The following PSG2 variants were observed in gnomAD, a reference collection of about 807,000 sequenced individuals.
PSG2 encodes the protein pregnancy-specific beta-1-glycoprotein 2.
PSG2 carries 49 observed loss-of-function variants against 36.2 expected under a neutral mutation model. The ratio of observed to expected loss-of-function variants is 1.35; its 90% CI spans 1.08 to 1.72. The LOEUF (loss-of-function observed/expected upper bound fraction) is 1.72. Ranked by LOEUF, PSG2 falls within the 40% of genes most tolerant of loss-of-function variation. PSG2 has a pLI of 0.00. For missense variants in PSG2, 605 were observed against 407.2 expected, an observed-to-expected ratio of 1.49 and a Z score of -4.18; for synonymous variants, 261 against 155.6, an observed-to-expected ratio of 1.68 and a Z score of -5.04.
chr19:43,066,619 T>A lies in PSG2; in HGVS notation c.965-19A>T, dbSNP rs111242195. 11,692 of 1,583,462 alleles carry A rather than the reference T, an allele frequency of 7.4e-3. 455 individuals are homozygous for A. In the East Asian group the frequency reaches 0.085, roughly 11 times the overall value. ...GTAGAAGCTGTCATGGAAAGAAAAG[T>A]AAAGAAGGAATGAAGGTGATGTTAT... On this transcript the variant is annotated intron_variant, in intron 4 of 5. Coordinates refer to ENST00000406487, the MANE Select transcript of PSG2 (RefSeq NM_031246.4).
Position 43,070,690 on chromosome 19 carries a change from C to A in PSG2, c.964+1010G>T, listed in dbSNP as rs568770265. Among the ~76,000 whole-genome samples, 142 of 151,390 alleles carry A rather than the reference C, an allele frequency of 9.4e-4. 4 individuals carry two copies. Among genetic ancestry groups the A allele is most frequent in the African/African-American group, 3.4e-3 (141 of 41,014 alleles). ...ATTAGAATGGTGGGTGCTAAGGGTT[C>A]GAGGGAGAAGGAGTGAGAGTTACTG... On this transcript the variant is annotated intron_variant, in intron 4 of 5. Coordinates refer to ENST00000406487, the MANE Select transcript of PSG2 (RefSeq NM_031246.4).
At chr19:43,072,061 G>C (rs1967826628) in intron 3 of PSG2, 107 bp from the exon 4 acceptor site, 1 of 1,475,664 alleles carries the variant, frequency 6.8e-7, no homozygotes. Flanking sequence ...ACATCCTCAA[G>C]TCCCAGCAAA....
At position 43,071,736 on chromosome 19, in the gene PSG2, C is replaced by A. The variant is rs149645996; in HGVS notation, c.928G>T (p.Glu310Ter). 1.1e-5 allele frequency: 18 copies of A among 1,612,852 alleles called. No homozygotes were observed. The highest frequency in any genetic ancestry group is 6.7e-5 in the East Asian group (3 of 44,900). Residue 310 changes from glutamate (E) to a stop codon, truncating the protein, a stop_gained, in exon 4 of 6, where the codon GAG becomes TAG. Transcript: ENST00000406487. LOFTEE classifies it high-confidence loss of function. ...ACTGTCAACGATGTGGAGCTTTCCTCGCCAGTGGCTGAGTTACGAACAGAG... is the reference window on the plus strand; with the variant it reads ...ACTGTCAACGATGTGGAGCTTTCCTAGCCAGTGGCTGAGTTACGAACAGAG... ...VCSVRNSATG[E>*]ESSTSLTVKV...
rs1967998924 is a variant in PSG2, at chr19:43,082,670, C to T, written c.-101G>A. 1 of 1,537,958 alleles carries T rather than the reference C, an allele frequency of 6.5e-7. No homozygotes were observed. Among genetic ancestry groups the T allele is most frequent in the African/African-American group, 1.4e-5 (1 of 72,082 alleles). On this transcript the variant is annotated 5_prime_UTR_variant, in exon 1 of 6. It adds an upstream start codon to the 5' untranslated region. Coordinates refer to ENST00000406487, the MANE Select transcript of PSG2 (RefSeq NM_031246.4). The stretch of plus-strand genomic sequence containing the variant: ...CTGTGCTGTCCTTCCTCCTTCTGCA[C>T]TGAGCCTCTTCCTGGGGCAGCAGCA...
intron 5 of PSG2, among the ~76,000 whole-genome samples, chr19:43,065,281 A>G (rs1269007452): frequency 6.6e-6 from 1 of 151,706 alleles, no homozygotes; most frequent in Non-Finnish European, 1.5e-5. Context: ...CAAGAGGATT[A>G]CTGAGTTCTT....
chr19:43,070,434 T>C (rs577453488), intron 4 of PSG2, among the ~76,000 whole-genome samples: 59 of 151,466 alleles, frequency 3.9e-4, no homozygotes, highest in African/African-American at 1.3e-3. Flanking sequence ...AGCGAAAAAA[T>C]GGAAACAACC....
chr19:43,071,411 A>T (rs932503277), intron 4 of PSG2, among the ~76,000 whole-genome samples: 5 of 151,262 alleles, frequency 3.3e-5, no homozygotes, highest in Non-Finnish European at 5.9e-5. Flanking sequence ...TCTTGAGGAC[A>T]CTCCTTCTTG....
In PSG2 at chr19:43,065,818, C is replaced by T. The variant is rs532049879; in HGVS notation, c.*40+699G>A. ...TGTTAATCCTAAAGTCTTTGTTCTCCACGAGGTCACATGTTGCTTGTGATG... is the reference window on the plus strand; with the variant it reads ...TGTTAATCCTAAAGTCTTTGTTCTCTACGAGGTCACATGTTGCTTGTGATG... On this transcript the variant is annotated intron_variant, in intron 5 of 5. Coordinates refer to ENST00000406487, the MANE Select transcript of PSG2 (RefSeq NM_031246.4). The T allele has an allele frequency of 1.1e-4, 17 of 151,938 alleles. 1 individual carries two copies. The highest frequency in any genetic ancestry group is 3.4e-4 in the African/African-American group (14 of 41,080). 9.4% of individuals were successfully genotyped at this position (151,938 alleles called of 1,614,324 possible).
intron 2 of PSG2, among the ~76,000 whole-genome samples, 174 bp from the exon 3 acceptor site, chr19:43,075,806 G>A (rs555396996): frequency 6.6e-6 from 1 of 151,662 alleles, no homozygotes; most frequent in Non-Finnish European, 1.5e-5. Flanking sequence ...CTCAGTGATT[G>A]TGAGGCTGCC....
intron 5 of PSG2, among the ~76,000 whole-genome samples, chr19:43,064,849 T>C (rs1050213806): frequency 6.6e-6 from 1 of 151,764 alleles, no homozygotes; most frequent in African/African-American, 2.4e-5. Flanking sequence ...AATTTTTTTT[T>C]CAGATGGAGT....
intron 3 of PSG2, 21 bp from the exon 4 acceptor site, chr19:43,071,975 C>T (rs771538123): frequency 6.2e-7 from 1 of 1,609,190 alleles, no homozygotes; most frequent in Non-Finnish European, 8.5e-7. Flanking sequence ...GAGAATAAAG[C>T]CACAGGTGAT....
intron 5 of PSG2, chr19:43,065,685 G>A (rs1375789047): frequency 6.6e-6 from 1 of 151,640 alleles, no homozygotes; most frequent in East Asian, 1.9e-4. Flanking sequence ...GTCTCCTGGG[G>A]TAGGGACCTT....
chr19:43,071,373 G>A (rs1203819630), intron 4 of PSG2, among the ~76,000 whole-genome samples: 14 of 151,652 alleles, frequency 9.2e-5, no homozygotes, highest in Non-Finnish European at 1.5e-5. Context: ...AGAAGGGGAT[G>A]TGTTAGTGAC....
chr19:43,066,863 G>A (rs1967747153), intron 4 of PSG2, among the ~76,000 whole-genome samples: 1 of 151,196 alleles, frequency 6.6e-6, no homozygotes, highest in Admixed American at 6.6e-5. Flanking sequence ...GAGAAAGGCT[G>A]ATTGCTATTT....
rs752395796 is a variant in PSG2, at chr19:43,081,029, T to C, written c.282A>G (p.Ala94=). The C allele has an allele frequency of 1.3e-5, 21 of 1,612,956 alleles. No homozygotes were observed. In the Admixed American group the frequency reaches 2.8e-4, roughly 22 times the overall value. The part of the protein sequence containing the change: ...VDGQIIIYGP[A]YSGRETAYSN... ...AATATGCTGTTTCTCGTCCACTATA[T>C]GCAGGCCCATATATAATTATTTGAC... The change falls in exon 2 of 6, where the codon GCA becomes GCG. Residue 94 remains alanine (A), a synonymous_variant. Transcript: ENST00000406487.
intron 4 of PSG2, among the ~76,000 whole-genome samples, chr19:43,068,737 T>C (rs528323956): frequency 1.3e-5 from 2 of 151,798 alleles, no homozygotes; most frequent in East Asian, 3.9e-4. Context: ...AAAGGCAATA[T>C]GTGAAAAACC....
chr19:43,071,550 A>G (rs1437955405), intron 4 of PSG2, 150 bp downstream of exon 4: 1 of 1,589,024 alleles, frequency 6.3e-7, no homozygotes, highest in Non-Finnish European at 8.6e-7. Context: ...GTTTGTAGAG[A>G]CAAATTGGGA....
chr19:43,079,075 G>A (rs1967935614), intron 2 of PSG2, among the ~76,000 whole-genome samples: 2 of 151,706 alleles, frequency 1.3e-5, no homozygotes, highest in Admixed American at 1.3e-4. Flanking sequence ...AGAACAGCCA[G>A]CCTAGTTAGA....
rs1352363248 is a variant in PSG2, at chr19:43,080,082, A to G, written c.430+799T>C. On this transcript the variant is annotated intron_variant, in intron 2 of 5. Transcript: ENST00000406487. ...GCTTGGCACAGTGGAGGTTTCACACAAACAGCATTTATTATTAATTTGCTT... is the reference window on the plus strand; with the variant it reads ...GCTTGGCACAGTGGAGGTTTCACACGAACAGCATTTATTATTAATTTGCTT... Among the ~76,000 whole-genome samples, 2 of 151,840 alleles carry G rather than the reference A, an allele frequency of 1.3e-5. 1 individual carries two copies. The highest frequency in any genetic ancestry group is 2.9e-5 in the Non-Finnish European group (2 of 68,002).
Sources: allele counts gnomAD v4.1 joint callset (sites outside exome capture counted in the v4.1 genomes callset), GRCh38; gene constraint gnomAD v4.1.1; transcripts MANE v1.5; gene names NCBI Gene and HGNC (gene_info 2026-07-23, HGNC 2026-07-21).